The following CSMD1 variants were observed in gnomAD, a reference collection of about 807,000 sequenced individuals.
The protein encoded by CSMD1 is CUB and sushi domain-containing protein 1.
In CSMD1, 213 loss-of-function variants were observed where a neutral mutation model predicts 417.5. The ratio of observed to expected loss-of-function variants is 0.51; its 90% CI spans 0.46 to 0.57. The LOEUF (loss-of-function observed/expected upper bound fraction) is 0.57. Among genes scored for constraint, CSMD1 ranks in the 20% least tolerant of loss-of-function variants. CSMD1 has a pLI of 0.00. For synonymous variants in CSMD1, 2,862 were observed against 1,736.8 expected (o/e 1.65, Z -16.11); for missense variants, 6,923 against 4,529.7 (o/e 1.53, Z -15.17).
chr8:4,054,378 G>A (rs558712844), intron 3 of CSMD1, among the ~76,000 whole-genome samples: 1 of 152,040 alleles, frequency 6.6e-6, no homozygotes, highest in Non-Finnish European at 1.5e-5. Context: ...CCCATATAGG[G>A]GATGGCCGCC....
chr8:3,213,120 C>G (rs2116808569), intron 30 of CSMD1, among the ~76,000 whole-genome samples: 1 of 152,238 alleles, frequency 6.6e-6, no homozygotes. Flanking sequence ...AGCCACGCGC[C>G]CAGTCTCTTA....
chr8:3,928,834 T>G (rs770818064), intron 5 of CSMD1, among the ~76,000 whole-genome samples: 1 of 117,310 alleles, frequency 8.5e-6, no homozygotes, highest in Non-Finnish European at 1.6e-5. Flanking sequence ...CTACCCCAGG[T>G]CATGCTGTCA....
intron 7 of CSMD1, among the ~76,000 whole-genome samples, chr8:3,673,200 A>T (rs1799172072): frequency 6.6e-6 from 1 of 152,208 alleles, no homozygotes; most frequent in Admixed American, 6.5e-5. Flanking sequence ...ATTCAACCAC[A>T]TATGCCCCTG....
intron 3 of CSMD1, among the ~76,000 whole-genome samples, chr8:4,348,387 C>A (rs1323421148): frequency 6.6e-6 from 1 of 151,948 alleles, no homozygotes; most frequent in Non-Finnish European, 1.5e-5. Context: ...GTTTAAAGAA[C>A]GTTGCAGGTC....
intron 3 of CSMD1, among the ~76,000 whole-genome samples, chr8:4,172,721 C>G (rs79332101): frequency 0.022 from 3,369 of 152,246 alleles, 138 homozygotes; most frequent in African/African-American, 0.076. Context: ...CAGGATATCA[C>G]TTGACATTAG....
chr8:4,712,992 A>G (rs1053559529), intron 1 of CSMD1, among the ~76,000 whole-genome samples: 7 of 152,240 alleles, frequency 4.6e-5, no homozygotes, highest in African/African-American at 1.4e-4. Context: ...TACTGGCAGT[A>G]ATATTAATGA....
intron 1 of CSMD1, among the ~76,000 whole-genome samples, chr8:4,801,028 T>C (rs1798255945): frequency 1.3e-5 from 2 of 152,216 alleles, no homozygotes; most frequent in Non-Finnish European, 2.9e-5. Flanking sequence ...ATATCTTGGA[T>C]TCACCATTTA....
At position 4,057,588 on chromosome 8, in the gene CSMD1, A is replaced by T. The variant is rs962713259; in HGVS notation, c.416-25489T>A. Reference sequence around the variant, plus strand: ...TTTTGTTGCCATTGCTTTTGGTGTTATAGACATGAAGTCCTTGCCCATGCC... The same window carrying T: ...TTTTGTTGCCATTGCTTTTGGTGTTTTAGACATGAAGTCCTTGCCCATGCC... On this transcript the variant is annotated intron_variant, in intron 3 of 69. Transcript: ENST00000635120. Among the ~76,000 whole-genome samples, 40 of 151,946 alleles carry T rather than the reference A, an allele frequency of 2.6e-4. 2 individuals are homozygous for T. The highest frequency in any genetic ancestry group is 6.0e-4 in the African/African-American group (25 of 41,444).
At chr8:4,680,976 G>GAC (rs1491263989) in intron 1 of CSMD1, among the ~76,000 whole-genome samples, 1 of 127,852 alleles carries the variant, frequency 7.8e-6, no homozygotes, top group Non-Finnish European at 1.6e-5. Context: ...GTGTGTGTGT[G>GAC]AGAGAGAGAG....
rs146313644 is a variant in CSMD1, at chr8:3,900,100, A to T, written c.818+97803T>A. Reference sequence around the variant, plus strand: ...TGACAGTGCAGCTGTGTGATGGTGCAGCTGGTTGGCACTGTAGCTGGGTGA... The same window carrying T: ...TGACAGTGCAGCTGTGTGATGGTGCTGCTGGTTGGCACTGTAGCTGGGTGA... On this transcript the variant is annotated intron_variant, in intron 5 of 69. Transcript: ENST00000635120. Among the ~76,000 whole-genome samples the T allele has an allele frequency of 5.9e-3, 903 of 151,968 alleles. 8 individuals are homozygous for T. Among genetic ancestry groups the T allele is most frequent in the African/African-American group, 0.021 (862 of 41,440 alleles).
intron 6 of CSMD1, among the ~76,000 whole-genome samples, chr8:3,720,901 C>T (rs1464085478): frequency 1.3e-5 from 2 of 152,006 alleles, no homozygotes; most frequent in East Asian, 1.9e-4. Context: ...ATGCAACCTC[C>T]GCTTCCCGGG....
chr8:4,630,709 A>G (rs1203094028), intron 2 of CSMD1, among the ~76,000 whole-genome samples: 4 of 152,070 alleles, frequency 2.6e-5, no homozygotes, highest in African/African-American at 9.7e-5. Context: ...TCTGCTGTCC[A>G]CCTCTGGTGC....
chr8:3,993,379 A>T (rs571405759), intron 5 of CSMD1, among the ~76,000 whole-genome samples: 1 of 152,204 alleles, frequency 6.6e-6, no homozygotes, highest in South Asian at 2.1e-4. Flanking sequence ...AATTAAATAG[A>T]CACCAAGTCA....
chr8:3,261,479 C>A (rs1801054222), intron 26 of CSMD1, among the ~76,000 whole-genome samples: 1 of 152,040 alleles, frequency 6.6e-6, no homozygotes, highest in Non-Finnish European at 1.5e-5. Flanking sequence ...ACTCGTGTAA[C>A]CAAATACCAC....
intron 2 of CSMD1, among the ~76,000 whole-genome samples, chr8:4,624,674 C>T (rs1053470684): frequency 3.3e-5 from 5 of 152,092 alleles, no homozygotes; most frequent in East Asian, 3.9e-4. Context: ...TCTGTTTACA[C>T]GGGATATAAT....
At chr8:4,142,973 TTA>T (rs1194676811) in intron 3 of CSMD1, among the ~76,000 whole-genome samples, 1 of 146,060 alleles carries the variant, frequency 6.8e-6, no homozygotes, top group Non-Finnish European at 1.5e-5. Context: ...TATCAGATGC[TTA>T]GTTTTCAAAC....
At chr8:3,078,750 C>T (rs1032184339) in intron 49 of CSMD1, among the ~76,000 whole-genome samples, 1 of 152,118 alleles carries the variant, frequency 6.6e-6, no homozygotes, top group Non-Finnish European at 1.5e-5. Context: ...CTACCATGAA[C>T]AAGAAGGGAA....
At chr8:3,343,239 C>T in intron 23 of CSMD1, 55 bp downstream of exon 23, 2 of 1,451,890 alleles carry the variant, frequency 1.4e-6, no homozygotes, top group Non-Finnish European at 1.9e-6. Flanking sequence ...AGCCAAGTAT[C>T]AGATATGTCC....
intron 22 of CSMD1, among the ~76,000 whole-genome samples, chr8:3,344,154 G>C (rs1292140308): frequency 6.6e-6 from 1 of 152,188 alleles, no homozygotes; most frequent in East Asian, 1.9e-4. Context: ...GAGAGGGAAG[G>C]TTCAGTCATG....
Sources: gnomAD v4.1 joint callset for allele counts (sites outside exome capture counted in the v4.1 genomes callset) on GRCh38, gnomAD v4.1.1 for gene constraint, MANE v1.5 for transcripts, NCBI Gene and HGNC (gene_info 2026-07-23, HGNC 2026-07-21) for gene names.